The following GPC6 variants were observed in gnomAD, a reference collection of about 807,000 sequenced individuals.
The protein encoded by GPC6 is glypican 6, also known as glypican-6.
A neutral mutation model predicts 55.2 loss-of-function variants in GPC6; 14 were observed. The observed-to-expected ratio is 0.25, with a 90% CI of 0.17 to 0.40. The LOEUF is 0.40. GPC6 is among the 10% of genes least tolerant of loss of function. The pLI is 1.00. For synonymous variants in GPC6, 278 were observed against 259.6 expected (o/e 1.07, Z -0.68); for missense variants, 641 against 708.5 (o/e 0.90, Z 1.08).
chr13:93,504,748 TA>T (rs905274163), intron 1 of GPC6, among the ~76,000 whole-genome samples: 8 of 151,792 alleles, frequency 5.3e-5, no homozygotes, highest in South Asian at 2.1e-4. Flanking sequence ...AATAATTATC[TA>T]AAAAAAACAA....
chr13:94,358,302 GAAA>G (rs1346679445), intron 6 of GPC6, among the ~76,000 whole-genome samples: 2 of 147,672 alleles, frequency 1.4e-5, no homozygotes, highest in Admixed American at 6.7e-5. Flanking sequence ...AAAAAAAAAA[GAAA>G]AAGGAAAAAA....
intron 4 of GPC6, among the ~76,000 whole-genome samples, chr13:94,088,972 C>G (rs904570428): frequency 1.3e-5 from 2 of 152,180 alleles, no homozygotes; most frequent in African/African-American, 4.8e-5. Flanking sequence ...CGGGCATATT[C>G]GTTCTTGCCA....
Position 93,649,363 on chromosome 13 carries a change from G to A in GPC6, c.319+103942G>A, listed in dbSNP as rs565318137. 3.6e-3 allele frequency among the ~76,000 whole-genome samples: 546 copies of A among 152,188 alleles called. 1 individual carries two copies. The highest frequency in any genetic ancestry group is 6.6e-3 in the Non-Finnish European group (451 of 68,020). The stretch of plus-strand genomic sequence containing the variant: ...GCTACTCAGGAGGCTGAAGTTAGAG[G>A]ATCGCTTGAGCCAAGGACATAGATG... On this transcript the variant is annotated intron_variant, in intron 2 of 8. Transcript: ENST00000377047.
intron 1 of GPC6, among the ~76,000 whole-genome samples, chr13:93,349,268 T>C (rs540450856): frequency 1.5e-3 from 231 of 152,044 alleles, no homozygotes; most frequent in Admixed American, 3.3e-3. Context: ...AGCTTTTTTT[T>C]CCCTGTAAAA....
At chr13:94,192,036 C>T (rs1201721404) in intron 4 of GPC6, among the ~76,000 whole-genome samples, 1 of 150,660 alleles carries the variant, frequency 6.6e-6, no homozygotes, top group East Asian at 1.9e-4. Context: ...TCACAATTCA[C>T]AATTTTATGA....
chr13:93,603,128 G>A (rs139708126), intron 2 of GPC6, among the ~76,000 whole-genome samples: 23 of 152,074 alleles, frequency 1.5e-4, no homozygotes, highest in African/African-American at 5.3e-4. Context: ...TCCCACATTG[G>A]CATCCTGAGT....
At chr13:93,713,777 A>T (rs1169101215) in intron 2 of GPC6, among the ~76,000 whole-genome samples, 1 of 151,700 alleles carries the variant, frequency 6.6e-6, no homozygotes, top group African/African-American at 2.4e-5. Flanking sequence ...AGTTTATGAT[A>T]TTTTTATATC....
intron 1 of GPC6, among the ~76,000 whole-genome samples, chr13:93,487,074 G>T (rs1052765719): frequency 6.6e-6 from 1 of 152,062 alleles, no homozygotes; most frequent in Non-Finnish European, 1.5e-5. Flanking sequence ...CTGATACCTC[G>T]CAGTTTGCTC....
intron 4 of GPC6, among the ~76,000 whole-genome samples, chr13:94,195,517 G>A (rs1050312414): frequency 6.6e-6 from 1 of 152,038 alleles, no homozygotes; most frequent in African/African-American, 2.4e-5. Context: ...GTACATGCAT[G>A]TTCACATTAT....
At chr13:93,760,090 A>G (rs1282779872) in intron 2 of GPC6, among the ~76,000 whole-genome samples, 1 of 152,154 alleles carries the variant, frequency 6.6e-6, no homozygotes, top group Non-Finnish European at 1.5e-5. Flanking sequence ...ACAATGTAAT[A>G]AGTGTCATAC....
intron 2 of GPC6, among the ~76,000 whole-genome samples, chr13:93,712,066 G>T (rs1164119930): frequency 2.0e-5 from 3 of 151,798 alleles, no homozygotes; most frequent in East Asian, 3.9e-4. Flanking sequence ...ATCCTTGCAT[G>T]GCAGCCTGTG....
At chr13:93,817,964 T>A (rs1444215327) in intron 2 of GPC6, among the ~76,000 whole-genome samples, 1 of 147,854 alleles carries the variant, frequency 6.8e-6, no homozygotes, top group Non-Finnish European at 1.5e-5. Flanking sequence ...CCTATATATA[T>A]AATACATAAA....
intron 1 of GPC6, among the ~76,000 whole-genome samples, chr13:93,515,424 A>C (rs1215731353): frequency 6.6e-6 from 1 of 152,196 alleles, no homozygotes; most frequent in Non-Finnish European, 1.5e-5. Context: ...ATAATCAAAT[A>C]TGTTTTTATA....
intron 1 of GPC6, among the ~76,000 whole-genome samples, chr13:93,416,276 T>C (rs1876693950): frequency 6.6e-6 from 1 of 152,122 alleles, no homozygotes; most frequent in Admixed American, 6.6e-5. Context: ...TATCCTACTA[T>C]TGCACTGTAG....
intron 1 of GPC6, among the ~76,000 whole-genome samples, chr13:93,390,381 T>C (rs545599809): frequency 1.3e-5 from 2 of 152,294 alleles, no homozygotes; most frequent in South Asian, 2.1e-4. Flanking sequence ...TATCACATTA[T>C]GACTTTCTCC....
chr13:93,282,522 G>GAA (rs199977909), intron 1 of GPC6, among the ~76,000 whole-genome samples: 1 of 135,394 alleles, frequency 7.4e-6, no homozygotes, highest in Admixed American at 7.5e-5. Context: ...GAATTACAGT[G>GAA]AAAAAAAAAA....
intron 1 of GPC6, among the ~76,000 whole-genome samples, chr13:93,396,331 G>A (rs534642569): frequency 2.7e-4 from 41 of 152,232 alleles, no homozygotes; most frequent in African/African-American, 7.7e-4. Context: ...TTTGGAGGCC[G>A]AGGTGGGCGG....
intron 5 of GPC6, among the ~76,000 whole-genome samples, chr13:94,293,108 A>G (rs1431535696): frequency 6.6e-6 from 1 of 152,176 alleles, no homozygotes; most frequent in African/African-American, 2.4e-5. Context: ...TGAGGAAAGA[A>G]TCTCCCAGTA....
At chr13:94,263,758 TAGG>T in intron 4 of GPC6, among the ~76,000 whole-genome samples, 1 of 152,302 alleles carries the variant, frequency 6.6e-6, no homozygotes, top group East Asian at 1.9e-4. Context: ...GTCAGTGTTC[TAGG>T]AAGTATTGAA....
Sources: allele counts gnomAD v4.1 joint callset (sites outside exome capture counted in the v4.1 genomes callset), GRCh38; gene constraint gnomAD v4.1.1; transcripts MANE v1.5; gene names NCBI Gene and HGNC (gene_info 2026-07-23, HGNC 2026-07-21).